Variants in GNA12 observed in about 807,000 individuals in gnomAD.
The protein encoded by GNA12 is G protein subunit alpha 12, also known as guanine nucleotide-binding protein subunit alpha-12.
Under a neutral mutation model 26.0 loss-of-function variants are expected in GNA12, and 9 were observed. The ratio of observed to expected loss-of-function variants is 0.35; its 90% CI spans 0.21 to 0.60. The LOEUF is 0.60. GNA12 is among the 20% of genes least tolerant of loss of function. The probability of loss-of-function intolerance (pLI) is 0.78; values close to 1 mark genes in which losing one functional copy is unlikely to be tolerated. For missense variants in GNA12, 405 were observed against 525.8 expected (o/e 0.77, Z 2.25); for synonymous variants, 264 against 219.6 (o/e 1.20, Z -1.79).
At chr7:2,757,128 CCTT>C (rs1791338523) in intron 2 of GNA12, among the ~76,000 whole-genome samples, 2 of 115,136 alleles carry the variant, frequency 1.7e-5, no homozygotes, top group Non-Finnish European at 3.5e-5. Context: ...ATCAGGTGGG[CCTT>C]TTTTTTTTTT....
At chr7:2,815,574 C>T (rs1793200181) in intron 1 of GNA12, among the ~76,000 whole-genome samples, 2 of 152,348 alleles carry the variant, frequency 1.3e-5, no homozygotes, top group Admixed American at 1.3e-4. Flanking sequence ...AGCACAGAGG[C>T]TGGGGAAATT....
intron 2 of GNA12, among the ~76,000 whole-genome samples, chr7:2,779,405 G>C (rs1792162365): frequency 6.6e-6 from 1 of 151,940 alleles, no homozygotes; most frequent in South Asian, 2.1e-4. Flanking sequence ...AGTTACTCGA[G>C]AGACTGAAGT....
At chr7:2,736,032 G>A (rs914121914) in intron 2 of GNA12, among the ~76,000 whole-genome samples, 6 of 152,286 alleles carry the variant, frequency 3.9e-5, no homozygotes, top group East Asian at 3.9e-4. Flanking sequence ...GATTGGGCAC[G>A]CAGCCCACGG....
chr7:2,804,622 G>A (rs1328011209), intron 1 of GNA12, among the ~76,000 whole-genome samples: 2 of 152,214 alleles, frequency 1.3e-5, no homozygotes, highest in Non-Finnish European at 2.9e-5. Context: ...TGAGAAAATG[G>A]TGAAATCTTT....
chr7:2,751,940 C>T (rs1043155644), intron 2 of GNA12, among the ~76,000 whole-genome samples: 4 of 152,164 alleles, frequency 2.6e-5, no homozygotes, highest in African/African-American at 9.7e-5. Flanking sequence ...AGAAATAACA[C>T]TAACGAACGT....
intron 1 of GNA12, among the ~76,000 whole-genome samples, chr7:2,797,251 T>A (rs1792699691): frequency 6.6e-6 from 1 of 152,154 alleles, no homozygotes; most frequent in African/African-American, 2.4e-5. Flanking sequence ...GCTCAAGTGA[T>A]CCTTGCCCGT....
At chr7:2,754,862 C>G (rs1235565761) in intron 2 of GNA12, among the ~76,000 whole-genome samples, 1 of 152,220 alleles carries the variant, frequency 6.6e-6, no homozygotes, top group Non-Finnish European at 1.5e-5. Context: ...GAATTCTTCA[C>G]CAAGTTCTAG....
intron 1 of GNA12, among the ~76,000 whole-genome samples, chr7:2,807,429 G>A (rs772247374): frequency 6.6e-6 from 1 of 152,136 alleles, no homozygotes; most frequent in Non-Finnish European, 1.5e-5. Flanking sequence ...AACGTTTCAT[G>A]AAGGTATAAA....
At chr7:2,828,221 C>T (rs577166899) in intron 1 of GNA12, among the ~76,000 whole-genome samples, 14 of 152,286 alleles carry the variant, frequency 9.2e-5, no homozygotes, top group African/African-American at 3.1e-4. Context: ...CTGAAAACTG[C>T]AGAGGAATAC....
At chr7:2,838,324 A>G (rs774191682) in intron 1 of GNA12, among the ~76,000 whole-genome samples, 4 of 152,082 alleles carry the variant, frequency 2.6e-5, no homozygotes, top group African/African-American at 4.8e-5. Flanking sequence ...TCATGCCTAT[A>G]ATCTCGGCAC....
chr7:2,808,249 G>A (rs183904279), intron 1 of GNA12, among the ~76,000 whole-genome samples: 16 of 152,376 alleles, frequency 1.1e-4, no homozygotes, highest in Admixed American at 5.2e-4. Flanking sequence ...CATGAGTAGT[G>A]CTACCCGACA....
At chr7:2,780,986 T>C (rs1017430174) in intron 2 of GNA12, among the ~76,000 whole-genome samples, 2 of 152,190 alleles carry the variant, frequency 1.3e-5, no homozygotes, top group Admixed American at 6.5e-5. Context: ...TGTATGAGAG[T>C]TCCTGTCATC....
chr7:2,807,988 G>A (rs1036288997), intron 1 of GNA12, among the ~76,000 whole-genome samples: 5 of 152,232 alleles, frequency 3.3e-5, no homozygotes, highest in African/African-American at 1.2e-4. Context: ...CACAAGCTCC[G>A]TGATCATTTT....
At chr7:2,743,164 G>A (rs1441213928) in intron 2 of GNA12, among the ~76,000 whole-genome samples, 1 of 152,184 alleles carries the variant, frequency 6.6e-6, no homozygotes, top group Non-Finnish European at 1.5e-5. Flanking sequence ...CTAAGAGCCT[G>A]GCTGGCCCCT....
chr7:2,750,828 C>A (rs559193700), intron 2 of GNA12, among the ~76,000 whole-genome samples: 1 of 152,096 alleles, frequency 6.6e-6, no homozygotes, highest in African/African-American at 2.4e-5. Flanking sequence ...GAACCAGATT[C>A]GGATATGGCG....
chr7:2,746,684 G>T (rs1257767704), intron 2 of GNA12, among the ~76,000 whole-genome samples: 1 of 152,100 alleles, frequency 6.6e-6, no homozygotes, highest in Non-Finnish European at 1.5e-5. Flanking sequence ...AGAACTGAAG[G>T]AAATAGAGAC....
intron 2 of GNA12, among the ~76,000 whole-genome samples, chr7:2,735,772 A>G (rs374026588): frequency 6.6e-6 from 1 of 152,158 alleles, no homozygotes; most frequent in South Asian, 2.1e-4. Flanking sequence ...GAGGAGTCAA[A>G]TCTAGTTTCA....
chr7:2,781,331 TAC>T (rs148970092), intron 2 of GNA12, among the ~76,000 whole-genome samples: 19 of 150,242 alleles, frequency 1.3e-4, no homozygotes, highest in Middle Eastern at 3.5e-3. Flanking sequence ...TGTATATACA[TAC>T]ACACACACAC....
rs546955721 is a variant in GNA12 at position 2,811,463 on chromosome 7, A to G, written c.310-16320T>C. Reference sequence around the variant, plus strand: ...TCACATGTTCCAGAGGTACAGGAGAATAAGTGTGCTGCTTCTTCTTACTCA... The same window carrying G: ...TCACATGTTCCAGAGGTACAGGAGAGTAAGTGTGCTGCTTCTTCTTACTCA... On this transcript the variant is annotated intron_variant, in intron 1 of 3. Transcript: ENST00000275364. 5.2e-5 allele frequency among the ~76,000 whole-genome samples: 8 copies of G among 152,386 alleles called. No individual in the cohort carries two copies. The East Asian group carries it at 1.2e-3, about 22-fold the overall frequency.
Sources: gnomAD v4.1 joint callset for allele counts (sites outside exome capture counted in the v4.1 genomes callset) on GRCh38, gnomAD v4.1.1 for gene constraint, MANE v1.5 for transcripts, NCBI Gene and HGNC (gene_info 2026-07-23, HGNC 2026-07-21) for gene names.